The following OLA1 variants were observed in gnomAD, a reference collection of about 807,000 sequenced individuals.
OLA1 encodes Obg like ATPase 1.
Under a neutral mutation model 48.4 loss-of-function variants are expected in OLA1, and 14 were observed. That is an observed-to-expected ratio of 0.29 (90% CI 0.19 to 0.45). The LOEUF is 0.45. Ranked by LOEUF, OLA1 falls within the 20% of genes least tolerant of loss-of-function variation. OLA1 has a pLI of 1.00. For synonymous variants in OLA1, 127 were observed against 150.4 expected, an observed-to-expected ratio of 0.84 and a Z score of 1.14; for missense variants, 325 against 467.1, an observed-to-expected ratio of 0.70 and a Z score of 2.80.
At chr2:174,211,710 A>C (rs997097606) in intron 4 of OLA1, among the ~76,000 whole-genome samples, 4 of 152,294 alleles carry the variant, frequency 2.6e-5, no homozygotes, top group South Asian at 4.1e-4. Context: ...TATCTTTTTC[A>C]AATTTTTTTC....
At chr2:174,142,532 G>A (rs1263152783) in intron 4 of OLA1, among the ~76,000 whole-genome samples, 1 of 152,142 alleles carries the variant, frequency 6.6e-6, no homozygotes, top group East Asian at 1.9e-4. Flanking sequence ...GTTTTTAGGG[G>A]GCTATCAAAG....
chr2:174,123,972 A>G (rs1238020297), intron 5 of OLA1, among the ~76,000 whole-genome samples: 1 of 152,174 alleles, frequency 6.6e-6, no homozygotes. Flanking sequence ...TACCATTTCA[A>G]TATTACCTAG....
chr2:174,075,914 T>C (rs904649089), intron 10 of OLA1, among the ~76,000 whole-genome samples: 2 of 152,214 alleles, frequency 1.3e-5, no homozygotes, highest in African/African-American at 4.8e-5. Context: ...TATAACTAGT[T>C]AAAAGCTGCT....
chr2:174,216,167 G>A (rs1271466550), intron 4 of OLA1, among the ~76,000 whole-genome samples: 5 of 152,030 alleles, frequency 3.3e-5, no homozygotes, highest in East Asian at 3.9e-4. Flanking sequence ...GCTGGGTATT[G>A]TGGTGCACAC....
chr2:174,150,292 A>G (rs1383734956), intron 4 of OLA1, among the ~76,000 whole-genome samples: 2 of 152,238 alleles, frequency 1.3e-5, no homozygotes, highest in Non-Finnish European at 2.9e-5. Flanking sequence ...CTCCACCACC[A>G]TATGATGGCC....
At chr2:174,135,317 C>A (rs568183755) in intron 5 of OLA1, among the ~76,000 whole-genome samples, 3 of 152,182 alleles carry the variant, frequency 2.0e-5, no homozygotes, top group African/African-American at 7.2e-5. Context: ...ACCCAAATCA[C>A]AAAGAACTTT....
intron 5 of OLA1, among the ~76,000 whole-genome samples, chr2:174,133,285 A>T (rs1347969631): frequency 6.6e-6 from 1 of 152,158 alleles, no homozygotes; most frequent in Non-Finnish European, 1.5e-5. Context: ...ATTTGGACCT[A>T]TGATGGTTTA....
chr2:174,194,982 T>C (rs2105426915), intron 4 of OLA1, among the ~76,000 whole-genome samples: 1 of 152,280 alleles, frequency 6.6e-6, no homozygotes, highest in Non-Finnish European at 1.5e-5. Flanking sequence ...ACTTTGAAAC[T>C]ATGGTAATAT....
At chr2:174,174,650 GT>G (rs1687382618) in intron 4 of OLA1, among the ~76,000 whole-genome samples, 1 of 151,980 alleles carries the variant, frequency 6.6e-6, no homozygotes, top group Non-Finnish European at 1.5e-5. Flanking sequence ...ATAAAATACT[GT>G]TGAGAAGAGA....
At chr2:174,080,967 C>T (rs1684840287) in intron 9 of OLA1, 185 bp downstream of exon 9, 4 of 563,228 alleles carry the variant, frequency 7.1e-6, no homozygotes, top group South Asian at 4.0e-5. Flanking sequence ...TTGTTACCTG[C>T]CTCAATCAAT....
rs1243597234 is a variant in OLA1 at position 174,212,595 on chromosome 2, C to G, written c.373+10438G>C. ...TTTTAATTTTTTTAACGTTTGGACTCTTGTAATAACAATTAGCTTAAATCA... is the reference window on the plus strand; with the variant it reads ...TTTTAATTTTTTTAACGTTTGGACTGTTGTAATAACAATTAGCTTAAATCA... On this transcript the variant is annotated intron_variant, in intron 4 of 10. Coordinates refer to ENST00000284719, the MANE Select transcript of OLA1 (RefSeq NM_013341.5). Among the ~76,000 whole-genome samples, 3 of 152,136 alleles carry G rather than the reference C, an allele frequency of 2.0e-5. No homozygotes were observed. The East Asian group carries it at 5.8e-4, about 29-fold the overall frequency.
Position 174,200,657 on chromosome 2 carries a change from G to A in OLA1, c.373+22376C>T, listed in dbSNP as rs539619633. ...CATAACAAATGTTTAAACCCAGGAG[G>A]TTTAAAGAAATCAGAAGGTATCATT... On this transcript the variant is annotated intron_variant, in intron 4 of 10. Transcript: ENST00000284719. Among the ~76,000 whole-genome samples the A allele has an allele frequency of 4.9e-4, 74 of 152,226 alleles. 1 individual carries two copies. Among genetic ancestry groups the A allele is most frequent in the African/African-American group, 1.7e-3 (71 of 41,550 alleles).
intron 2 of OLA1, among the ~76,000 whole-genome samples, chr2:174,231,406 T>C (rs1688725652): frequency 6.6e-6 from 1 of 152,228 alleles, no homozygotes. Flanking sequence ...TGCATTTTCG[T>C]ATACTGTAGT....
At chr2:174,217,889 T>A (rs1385004939) in intron 4 of OLA1, 2 of 152,200 alleles carry the variant, frequency 1.3e-5, no homozygotes, top group African/African-American at 4.8e-5. Context: ...ATAAAATTAG[T>A]CCACATTTGC....
chr2:174,113,721 G>A (rs772325071), intron 7 of OLA1, among the ~76,000 whole-genome samples: 2 of 152,116 alleles, frequency 1.3e-5, no homozygotes, highest in Non-Finnish European at 2.9e-5. Context: ...AGTTGCTGAC[G>A]TGATATTTTC....
At chr2:174,154,749 TTC>T (rs1436227766) in intron 4 of OLA1, among the ~76,000 whole-genome samples, 1 of 152,188 alleles carries the variant, frequency 6.6e-6, no homozygotes, top group Non-Finnish European at 1.5e-5. Context: ...AAAACTAGAA[TTC>T]TGTCTTTATT....
chr2:174,246,688 AT>A, intron 2 of OLA1, 26 bp downstream of exon 2: 1 of 1,422,506 alleles, frequency 7.0e-7, no homozygotes, highest in Non-Finnish European at 9.9e-7. Context: ...CAAAATGAAA[AT>A]CACAAAAGCC....
chr2:174,164,919 T>C (rs1687125863), intron 4 of OLA1, among the ~76,000 whole-genome samples: 1 of 152,194 alleles, frequency 6.6e-6, no homozygotes, highest in Non-Finnish European at 1.5e-5. Flanking sequence ...CTCTGACAGA[T>C]GTGAACTAAA....
At chr2:174,128,025 T>C (rs1686083374) in intron 5 of OLA1, among the ~76,000 whole-genome samples, 1 of 151,748 alleles carries the variant, frequency 6.6e-6, no homozygotes, top group African/African-American at 2.4e-5. Flanking sequence ...TCCTACTAGA[T>C]ATTAAAATAA....
Sources: gnomAD v4.1 joint callset for allele counts (sites outside exome capture counted in the v4.1 genomes callset) on GRCh38, gnomAD v4.1.1 for gene constraint, MANE v1.5 for transcripts, NCBI Gene and HGNC (gene_info 2026-07-23, HGNC 2026-07-21) for gene names.